ROBO1: variants seen among roughly 807,000 people sequenced by gnomAD.
The protein encoded by ROBO1 is roundabout guidance receptor 1.
ROBO1 carries 149 observed loss-of-function variants against 195.9 expected under a neutral mutation model. That is an observed-to-expected ratio of 0.76 (90% CI 0.67 to 0.87). The LOEUF (loss-of-function observed/expected upper bound fraction) is 0.87. Ranked by LOEUF, ROBO1 falls within the 40% of genes least tolerant of loss-of-function variation. The probability of loss-of-function intolerance (pLI) is 0.00; values close to 1 mark genes in which losing one functional copy is unlikely to be tolerated. For missense variants in ROBO1, 1,933 were observed against 2,068.3 expected (o/e 0.93, Z 1.27); for synonymous variants, 816 against 733.2 (o/e 1.11, Z -1.82).
chr3:78,831,053 T>C lies in ROBO1; in HGVS notation c.500-84153A>G, dbSNP rs1252227125. On this transcript the variant is annotated intron_variant, in intron 4 of 30. Coordinates refer to ENST00000464233, the MANE Select transcript of ROBO1 (RefSeq NM_002941.4). ...TTAGCCTCCTGAGTAGCTGGGATTA[T>C]ATGCTCCCACCACCACGCCTGGCTA... is the stretch of plus-strand genomic sequence containing the variant. Among the ~76,000 whole-genome samples, 6 of 151,918 alleles carry C rather than the reference T, an allele frequency of 3.9e-5. No individual in the cohort carries two copies. In the East Asian group the frequency reaches 7.8e-4, roughly 20 times the overall value.
chr3:79,714,211 A>G (rs1702386883), intron 1 of ROBO1, among the ~76,000 whole-genome samples: 2 of 152,210 alleles, frequency 1.3e-5, no homozygotes, highest in Non-Finnish European at 2.9e-5. Context: ...ACTTCTCAAA[A>G]GAAGACATTT....
At chr3:78,873,401 A>G (rs1349550615) in intron 4 of ROBO1, among the ~76,000 whole-genome samples, 1 of 152,198 alleles carries the variant, frequency 6.6e-6, no homozygotes, top group Non-Finnish European at 1.5e-5. Context: ...GATTCTCCAC[A>G]GAATTCTGTC....
intron 4 of ROBO1, among the ~76,000 whole-genome samples, chr3:78,778,564 G>T (rs1182720899): frequency 6.6e-6 from 1 of 152,034 alleles, no homozygotes; most frequent in African/African-American, 2.4e-5. Context: ...AACTTACAAG[G>T]GACATGAAGG....
intron 3 of ROBO1, among the ~76,000 whole-genome samples, chr3:78,992,191 C>T (rs2077253706): frequency 6.6e-6 from 1 of 152,134 alleles, no homozygotes; most frequent in African/African-American, 2.4e-5. Context: ...TAATGGATTT[C>T]ATATTGTTTA....
chr3:78,788,280 T>A (rs1254043843), intron 4 of ROBO1, among the ~76,000 whole-genome samples: 1 of 136,950 alleles, frequency 7.3e-6, no homozygotes. Context: ...CACGCCCAGA[T>A]AATTTTTTTT....
chr3:78,716,426 C>A (rs2108066284), intron 7 of ROBO1, among the ~76,000 whole-genome samples: 1 of 152,100 alleles, frequency 6.6e-6, no homozygotes, highest in Middle Eastern at 3.4e-3. Context: ...CTTATAAAAC[C>A]ATCAGATCTC....
intron 24 of ROBO1, among the ~76,000 whole-genome samples, chr3:78,632,192 G>C (rs185909213): frequency 1.3e-5 from 2 of 152,148 alleles, no homozygotes; most frequent in East Asian, 3.9e-4. Context: ...GCATTATGTT[G>C]GCCTTAGTTT....
chr3:79,528,630 C>T (rs1194603807), intron 2 of ROBO1, among the ~76,000 whole-genome samples: 8 of 152,134 alleles, frequency 5.3e-5, no homozygotes, highest in Admixed American at 2.0e-4. Context: ...GGAACCATGT[C>T]AAAAGTAAGT....
At chr3:79,198,430 G>T (rs544380938) in intron 2 of ROBO1, among the ~76,000 whole-genome samples, 1 of 152,038 alleles carries the variant, frequency 6.6e-6, no homozygotes, top group African/African-American at 2.4e-5. Flanking sequence ...ATGATGTTTT[G>T]GTTACTGTAG....
At chr3:79,028,862 A>C (rs2078246840) in intron 3 of ROBO1, among the ~76,000 whole-genome samples, 1 of 152,072 alleles carries the variant, frequency 6.6e-6, no homozygotes. Flanking sequence ...TTTTTCACAA[A>C]TATGCCTGAA....
chr3:79,415,080 G>A (rs779959325), intron 2 of ROBO1, among the ~76,000 whole-genome samples: 10 of 152,150 alleles, frequency 6.6e-5, no homozygotes, highest in African/African-American at 1.4e-4. Context: ...GTACCATCAT[G>A]TCACTAACCA....
chr3:79,513,774 C>CATT (rs745377459), intron 2 of ROBO1, among the ~76,000 whole-genome samples: 3 of 152,004 alleles, frequency 2.0e-5, no homozygotes, highest in Non-Finnish European at 4.4e-5. Flanking sequence ...ATGCCAACTT[C>CATT]ATTATAACAG....
At chr3:79,696,201 C>G (rs1046531310) in intron 1 of ROBO1, among the ~76,000 whole-genome samples, 1 of 151,348 alleles carries the variant, frequency 6.6e-6, no homozygotes, top group Non-Finnish European at 1.5e-5. Flanking sequence ...TGATTTCTCT[C>G]TGGAGGAAAT....
At chr3:79,602,907 A>G (rs1382377453) in intron 1 of ROBO1, among the ~76,000 whole-genome samples, 1 of 151,916 alleles carries the variant, frequency 6.6e-6, no homozygotes, top group Non-Finnish European at 1.5e-5. Context: ...CAGAATATTA[A>G]TATTTTTGCA....
At chr3:79,632,984 A>C (rs1010085533) in intron 1 of ROBO1, among the ~76,000 whole-genome samples, 2 of 152,162 alleles carry the variant, frequency 1.3e-5, no homozygotes, top group Admixed American at 6.5e-5. Flanking sequence ...CACTTCATTG[A>C]CAAAGAGATA....
chr3:78,609,788 T>C (rs531724230), intron 28 of ROBO1, among the ~76,000 whole-genome samples: 8 of 152,302 alleles, frequency 5.3e-5, no homozygotes, highest in East Asian at 1.9e-4. Flanking sequence ...ATTCTTAGTA[T>C]AACAGCAAAT....
intron 2 of ROBO1, among the ~76,000 whole-genome samples, chr3:79,530,524 C>T (rs1373367499): frequency 6.6e-6 from 1 of 152,094 alleles, no homozygotes; most frequent in Admixed American, 6.6e-5. Context: ...GTCATATTAG[C>T]TCTTCCTTGA....
intron 3 of ROBO1, among the ~76,000 whole-genome samples, chr3:78,958,856 G>A (rs2107816889): frequency 7.5e-6 from 1 of 134,174 alleles, no homozygotes; most frequent in East Asian, 2.2e-4. Context: ...ATCAGGTCTT[G>A]CTCAGTCATC....
At chr3:79,631,681 C>T (rs1207798718) in intron 1 of ROBO1, among the ~76,000 whole-genome samples, 1 of 151,866 alleles carries the variant, frequency 6.6e-6, no homozygotes, top group Non-Finnish European at 1.5e-5. Flanking sequence ...AAGAAATAAT[C>T]AATAGAGTAA....
Sources: allele counts gnomAD v4.1 joint callset (sites outside exome capture counted in the v4.1 genomes callset), GRCh38; gene constraint gnomAD v4.1.1; transcripts MANE v1.5; gene names NCBI Gene and HGNC (gene_info 2026-07-23, HGNC 2026-07-21).